CAMKMT: variants seen among roughly 807,000 people sequenced by gnomAD.
The protein encoded by CAMKMT is calmodulin-lysine N-methyltransferase, also known as CaM KMT.
A neutral mutation model predicts 48.0 loss-of-function variants in CAMKMT; 53 were observed. The observed-to-expected ratio is 1.10, with a 90% CI of 0.89 to 1.39. The LOEUF (loss-of-function observed/expected upper bound fraction) is 1.39, where lower values mean the gene tolerates loss of function less well. CAMKMT is among the 40% of genes most tolerant of loss of function. CAMKMT has a pLI of 0.00. For synonymous variants in CAMKMT, 165 were observed against 152.3 expected, an observed-to-expected ratio of 1.08 and a Z score of -0.61; for missense variants, 428 against 402.7, an observed-to-expected ratio of 1.06 and a Z score of -0.54.
At chr2:44,747,247 T>C (rs1220983031) in intron 8 of CAMKMT, among the ~76,000 whole-genome samples, 5 of 152,216 alleles carry the variant, frequency 3.3e-5, no homozygotes, top group Admixed American at 6.5e-5. Flanking sequence ...TACTTTGCTC[T>C]AAATGATGAA....
intron 3 of CAMKMT, among the ~76,000 whole-genome samples, chr2:44,556,468 T>C (rs1316667834): frequency 5.3e-5 from 1 of 18,694 alleles, no homozygotes; most frequent in Non-Finnish European, 1.3e-4. Flanking sequence ...TTTTTTTTTT[T>C]TTTTTTTTTT....
At chr2:44,378,289 A>G (rs894310036) in intron 2 of CAMKMT, among the ~76,000 whole-genome samples, 2 of 152,218 alleles carry the variant, frequency 1.3e-5, no homozygotes, top group African/African-American at 4.8e-5. Flanking sequence ...ACATATAAAT[A>G]TACTGTTTCA....
chr2:44,523,063 C>G (rs761420367), intron 3 of CAMKMT, among the ~76,000 whole-genome samples: 1 of 151,914 alleles, frequency 6.6e-6, no homozygotes, highest in South Asian at 2.1e-4. Flanking sequence ...AAACTAATGC[C>G]ATGTGTTTTA....
intron 3 of CAMKMT, among the ~76,000 whole-genome samples, chr2:44,439,251 G>C (rs918631681): frequency 6.6e-6 from 1 of 151,920 alleles, no homozygotes; most frequent in Admixed American, 6.6e-5. Context: ...ATTCTTTCTC[G>C]TATAATTAGA....
chr2:44,486,788 C>A lies in CAMKMT; in HGVS notation c.376+96483C>A, dbSNP rs576501910. Among the ~76,000 whole-genome samples, 6 of 152,306 alleles carry A rather than the reference C, an allele frequency of 3.9e-5. No homozygotes were observed. The South Asian group carries it at 1.2e-3, about 32-fold the overall frequency. On this transcript the variant is annotated intron_variant, in intron 3 of 10. Transcript: ENST00000378494. ...TTCCCACAAATCCTTGGTGTACCCC[C>A]CAAGAAACCGTAAGCTTCCTGAGTG...
At chr2:44,399,113 T>C (rs1682123983) in intron 3 of CAMKMT, among the ~76,000 whole-genome samples, 1 of 152,334 alleles carries the variant, frequency 6.6e-6, no homozygotes, top group East Asian at 1.9e-4. Flanking sequence ...TGTCCTGGTA[T>C]ACTGGATCAG....
chr2:44,613,357 C>T (rs1264484143), intron 3 of CAMKMT, among the ~76,000 whole-genome samples: 1 of 152,110 alleles, frequency 6.6e-6, no homozygotes, highest in African/African-American at 2.4e-5. Context: ...AGATCCTCCT[C>T]CAGAAACCTC....
chr2:44,467,197 C>T lies in CAMKMT; in HGVS notation c.376+76892C>T, dbSNP rs571672084. Among the ~76,000 whole-genome samples the T allele has an allele frequency of 5.3e-5, 8 of 151,730 alleles. No homozygotes were observed. The South Asian group carries it at 1.7e-3, about 32-fold the overall frequency. ...TGAGCCTGGGAGGTCAAGGCTGCAG[C>T]AGTGAGCTGTGATCATGACACTGTA... is the stretch of plus-strand genomic sequence containing the variant. On this transcript the variant is annotated intron_variant, in intron 3 of 10. Transcript: ENST00000378494.
intron 2 of CAMKMT, among the ~76,000 whole-genome samples, chr2:44,389,942 T>C (rs1681160081): frequency 6.6e-6 from 1 of 152,168 alleles, no homozygotes; most frequent in Non-Finnish European, 1.5e-5. Flanking sequence ...GGTTTTTGGC[T>C]TTAAAAAGGT....
In CAMKMT at chr2:44,745,198, G is replaced by A. The variant is rs572774887; in HGVS notation, c.698+1502G>A. Among the ~76,000 whole-genome samples the A allele has an allele frequency of 5.0e-4, 76 of 152,264 alleles. No homozygotes were observed. The Middle Eastern group carries it at 0.017, about 34-fold the overall frequency. Reference sequence around the variant, plus strand: ...CTGAAGCTTTAGACAAGGGTCACACGTGGATGGGCTCTGATTATATGGGGA... The same window carrying A: ...CTGAAGCTTTAGACAAGGGTCACACATGGATGGGCTCTGATTATATGGGGA... On this transcript the variant is annotated intron_variant, in intron 8 of 10. Coordinates refer to ENST00000378494, the MANE Select transcript of CAMKMT (RefSeq NM_024766.5).
intron 3 of CAMKMT, among the ~76,000 whole-genome samples, chr2:44,583,115 T>A (rs541620429): frequency 1.1e-4 from 17 of 152,306 alleles, no homozygotes; most frequent in African/African-American, 3.9e-4. Context: ...ATCTGACCTA[T>A]TTTAGTATTT....
intron 3 of CAMKMT, among the ~76,000 whole-genome samples, chr2:44,606,910 T>G (rs1222407827): frequency 1.3e-5 from 2 of 152,034 alleles, no homozygotes; most frequent in African/African-American, 4.8e-5. Flanking sequence ...TACCCGCCCT[T>G]CCATTTTCAT....
chr2:44,715,227 G>A, intron 6 of CAMKMT, 60 bp from the exon 7 acceptor site: 1 of 1,126,412 alleles, frequency 8.9e-7, no homozygotes, highest in Non-Finnish European at 1.3e-6. Flanking sequence ...ACTGTTTCTG[G>A]ACCTTTTTTT....
At chr2:44,754,166 G>T in intron 9 of CAMKMT, 48 bp downstream of exon 9, 8 of 1,379,124 alleles carry the variant, frequency 5.8e-6, no homozygotes, top group Non-Finnish European at 7.2e-6. Context: ...AGAATAATTA[G>T]TCTGTGCACA....
chr2:44,769,014 G>T (rs972118049), intron 10 of CAMKMT, among the ~76,000 whole-genome samples: 3 of 151,850 alleles, frequency 2.0e-5, no homozygotes, highest in Non-Finnish European at 2.9e-5. Context: ...TTTTAATTTT[G>T]CCCTCTGCAT....
intron 3 of CAMKMT, among the ~76,000 whole-genome samples, chr2:44,607,946 A>T (rs1436943645): frequency 2.6e-5 from 4 of 151,978 alleles, no homozygotes; most frequent in Non-Finnish European, 4.4e-5. Context: ...TATTCCACTT[A>T]TATCTCCATT....
intron 3 of CAMKMT, among the ~76,000 whole-genome samples, chr2:44,634,332 C>G (rs927443923): frequency 1.3e-5 from 2 of 151,742 alleles, no homozygotes; most frequent in Non-Finnish European, 2.9e-5. Flanking sequence ...GATCTTAAGT[C>G]TCACTTCACT....
chr2:44,393,317 A>G (rs1208736813), intron 3 of CAMKMT: 1 of 152,314 alleles, frequency 6.6e-6, no homozygotes, highest in African/African-American at 2.4e-5. Context: ...ATGAACTGCA[A>G]AGTGTTTTAT....
intron 3 of CAMKMT, among the ~76,000 whole-genome samples, chr2:44,414,308 G>T (rs1683405804): frequency 6.6e-6 from 1 of 152,102 alleles, no homozygotes; most frequent in Admixed American, 6.6e-5. Flanking sequence ...CAGGAATTTG[G>T]GTATGAATGG....
Sources: gnomAD v4.1 joint callset for allele counts (sites outside exome capture counted in the v4.1 genomes callset) on GRCh38, gnomAD v4.1.1 for gene constraint, MANE v1.5 for transcripts, NCBI Gene and HGNC (gene_info 2026-07-23, HGNC 2026-07-21) for gene names.